Variants in RAD18 observed in about 807,000 individuals in gnomAD.
RAD18 encodes the protein RAD18 E3 ubiquitin protein ligase.
RAD18 carries 47 observed loss-of-function variants against 60.4 expected under a neutral mutation model. That is an observed-to-expected ratio of 0.78 (90% CI 0.62 to 0.99). RAD18 has a LOEUF of 0.99. Among genes scored for constraint, RAD18 ranks in the 50% least tolerant of loss-of-function variants. RAD18 has a pLI of 0.00. For missense variants in RAD18, 640 were observed against 593.3 expected, an observed-to-expected ratio of 1.08 and a Z score of -0.82; for synonymous variants, 225 against 195.5, an observed-to-expected ratio of 1.15 and a Z score of -1.26.
intron 2 of RAD18, among the ~76,000 whole-genome samples, chr3:8,956,327 G>C (rs866553514): frequency 6.6e-6 from 1 of 152,156 alleles, no homozygotes; most frequent in Non-Finnish European, 1.5e-5. Flanking sequence ...CTGCCATGCT[G>C]CAACAGTCAA....
intron 11 of RAD18, among the ~76,000 whole-genome samples, chr3:8,894,757 C>T (rs550831579): frequency 8.0e-6 from 1 of 125,786 alleles, no homozygotes; most frequent in Non-Finnish European, 1.6e-5. Context: ...CCAGTTTAAG[C>T]GCTTTTTTTT....
At chr3:8,888,184 T>C (rs1008457569) in intron 12 of RAD18, among the ~76,000 whole-genome samples, 35 of 152,368 alleles carry the variant, frequency 2.3e-4, no homozygotes, top group African/African-American at 7.7e-4. Context: ...CTTTCCCTTG[T>C]GGACCTGCAC....
At chr3:8,895,455 A>G (rs764379795) in intron 11 of RAD18, among the ~76,000 whole-genome samples, 80 of 152,224 alleles carry the variant, frequency 5.3e-4, no homozygotes, top group Admixed American at 1.1e-3. Context: ...AAACATAAAC[A>G]CTTACTTAGT....
At chr3:8,929,066 A>C (rs1312657373) in intron 7 of RAD18, among the ~76,000 whole-genome samples, 1 of 152,212 alleles carries the variant, frequency 6.6e-6, no homozygotes, top group Non-Finnish European at 1.5e-5. Flanking sequence ...GGTAAATACA[A>C]CCTATCAATG....
chr3:8,902,228 T>C (rs1939923914), intron 10 of RAD18, 152 bp downstream of exon 10: 1 of 668,518 alleles, frequency 1.5e-6, no homozygotes, highest in African/African-American at 1.9e-5. Flanking sequence ...TAAATCTAGT[T>C]TACAAACTGC....
At chr3:8,918,147 G>A (rs1366216054) in intron 7 of RAD18, among the ~76,000 whole-genome samples, 4 of 151,846 alleles carry the variant, frequency 2.6e-5, no homozygotes, top group Non-Finnish European at 4.4e-5. Flanking sequence ...GTGAAATCCC[G>A]TCCCTACTGA....
At chr3:8,963,077 T>C (rs1941116590) in intron 1 of RAD18, among the ~76,000 whole-genome samples, 1 of 152,190 alleles carries the variant, frequency 6.6e-6, no homozygotes, top group Non-Finnish European at 1.5e-5. Context: ...CATGTTATTG[T>C]TGGGATTGGA....
intron 7 of RAD18, among the ~76,000 whole-genome samples, chr3:8,916,581 T>C (rs567262026): frequency 6.6e-6 from 1 of 152,292 alleles, no homozygotes; most frequent in South Asian, 2.1e-4. Context: ...ATACAGGATC[T>C]AGTAGAAAAG....
intron 9 of RAD18, among the ~76,000 whole-genome samples, chr3:8,910,179 G>T (rs866442658): frequency 6.6e-6 from 1 of 152,198 alleles, no homozygotes; most frequent in African/African-American, 2.4e-5. Flanking sequence ...AGACGTTCTT[G>T]AGAAAATAAT....
chr3:8,945,035 T>C (rs781727275), intron 4 of RAD18, among the ~76,000 whole-genome samples: 46 of 152,236 alleles, frequency 3.0e-4, no homozygotes, highest in Non-Finnish European at 4.4e-4. Flanking sequence ...AAACACAGTA[T>C]GACAACGATT....
chr3:8,882,959 T>G (rs1042806031), intron 12 of RAD18, among the ~76,000 whole-genome samples: 1 of 152,138 alleles, frequency 6.6e-6, no homozygotes, highest in Non-Finnish European at 1.5e-5. Flanking sequence ...TGATACACAA[T>G]GAAGCAAGGG....
chr3:8,960,935 G>C (rs755409634), intron 1 of RAD18, among the ~76,000 whole-genome samples: 1 of 152,048 alleles, frequency 6.6e-6, no homozygotes, highest in African/African-American at 2.4e-5. Context: ...GTAAATTTTT[G>C]TTAAAGTAAA....
At chr3:8,914,178 T>C (rs1282818907) in intron 7 of RAD18, among the ~76,000 whole-genome samples, 1 of 152,230 alleles carries the variant, frequency 6.6e-6, no homozygotes, top group Non-Finnish European at 1.5e-5. Context: ...CCTTTGTCTG[T>C]AGGTATGTTA....
At chr3:8,943,351 G>C (rs369903134) in intron 4 of RAD18, among the ~76,000 whole-genome samples, 1 of 148,944 alleles carries the variant, frequency 6.7e-6, no homozygotes, top group East Asian at 2.0e-4. Context: ...AAAAAGAAAA[G>C]GGATAAAAAG....
intron 11 of RAD18, among the ~76,000 whole-genome samples, chr3:8,894,759 C>CTTTTTTTTTTTT (rs71625397): frequency 4.1e-5 from 5 of 120,772 alleles, no homozygotes; most frequent in African/African-American, 1.0e-4. Context: ...AGTTTAAGCG[C>CTTTTTTTTTTTT]TTTTTTTTTT....
At position 8,941,522 on chromosome 3, in the gene RAD18, T is replaced by C. The variant is rs774192034; in HGVS notation, c.549A>G (p.Ser183=). 2.5e-6 allele frequency: 4 copies of C among 1,613,912 alleles called. No individual in the cohort carries two copies. The highest frequency in any genetic ancestry group is 3.4e-6 in the Non-Finnish European group (4 of 1,179,954). The change falls in exon 5 of 13, where the codon TCA becomes TCG. Residue 183 remains serine, a synonymous_variant. Coordinates refer to ENST00000264926, the MANE Select transcript of RAD18 (RefSeq NM_020165.4). The part of the protein sequence containing the change: ...RSVEEIAPDP[S]EAKRPEPPST... ...AGGGTGGCTCAGGACGCTTAGCCTCTGAGGGATCTGGAGCGATCTCTTCTA... is the reference window on the plus strand; with the variant it reads ...AGGGTGGCTCAGGACGCTTAGCCTCCGAGGGATCTGGAGCGATCTCTTCTA...
chr3:8,912,345 C>T lies in RAD18; in HGVS notation c.994G>A (p.Glu332Lys), dbSNP rs1940118414. 1 of 1,564,036 alleles carries T rather than the reference C, an allele frequency of 6.4e-7. No individual in the cohort carries two copies. Among genetic ancestry groups the T allele is most frequent in the Admixed American group, 2.0e-5 (1 of 49,768 alleles). Residue 332 changes from glutamate to lysine, a missense_variant, in exon 9 of 13, where the codon GAA becomes AAA. Glu to Lys is a moderately conservative substitution (Grantham distance 56, BLOSUM62 1). Transcript: ENST00000264926. ...SVMVFTKDQTEKEIDEIHSKY... is the reference protein window; with the variant it reads ...SVMVFTKDQTKKEIDEIHSKY... The stretch of plus-strand genomic sequence containing the variant: ...CTGTGGATTTCATCTATTTCCTTTT[C>T]TGTTTGGTCCTTTGTAAAAACCATT...
rs745878293 is a variant in RAD18, at chr3:8,935,992, T to G, written c.768A>C (p.Leu256Phe). Residue 256 changes from leucine (L) to phenylalanine (F), a missense_variant, in exon 7 of 13, where the codon TTA (leucine) becomes TTC (phenylalanine). Physicochemically the swap from Leu to Phe is conservative, Grantham distance 22. Transcript: ENST00000264926. The stretch of plus-strand genomic sequence containing the variant: ...ATCCATGCTCTTTTAGCTTTTTCTT[T>G]AAATCACGATCAGAGAGCAAATTAT... Reference protein sequence around the residue: ...TVYNLLSDRDLKKKLKEHGLS... With the variant: ...TVYNLLSDRDFKKKLKEHGLS... The G allele has an allele frequency of 2.5e-6, 4 of 1,610,658 alleles. No individual in the cohort carries two copies. Among genetic ancestry groups the G allele is most frequent in the Admixed American group, 1.7e-5 (1 of 59,644 alleles).
At chr3:8,916,156 C>A (rs900908500) in intron 7 of RAD18, among the ~76,000 whole-genome samples, 1 of 152,154 alleles carries the variant, frequency 6.6e-6, no homozygotes, top group African/African-American at 2.4e-5. Flanking sequence ...AAACAAAAAA[C>A]CCCCTCTACC....
Sources: gnomAD v4.1 joint callset for allele counts (sites outside exome capture counted in the v4.1 genomes callset) on GRCh38, gnomAD v4.1.1 for gene constraint, MANE v1.5 for transcripts, NCBI Gene and HGNC (gene_info 2026-07-23, HGNC 2026-07-21) for gene names.